The following POM121 variants were observed in gnomAD, a reference collection of about 807,000 sequenced individuals.
POM121 encodes the protein POM121 transmembrane nucleoporin, also known as nuclear envelope pore membrane protein POM 121.
In POM121, 32 loss-of-function variants were observed where a neutral mutation model predicts 81.3. That is an observed-to-expected ratio of 0.39 (90% confidence interval 0.30 to 0.53). The LOEUF (loss-of-function observed/expected upper bound fraction) is 0.53. POM121 is among the 20% of genes least tolerant of loss of function. POM121 has a pLI of 0.66. For missense variants in POM121, 1,138 were observed against 1,614.6 expected, an observed-to-expected ratio of 0.70 and a Z score of 5.06; for synonymous variants, 514 against 694.2, an observed-to-expected ratio of 0.74 and a Z score of 4.08.
downstream of POM121, chr7:72,948,763 C>A (rs782109089): frequency 2.5e-6 from 4 of 1,575,012 alleles, no homozygotes; most frequent in Non-Finnish European, 3.5e-6. Flanking sequence ...CACCCGGGAA[C>A]GTGCTCAGGC....
At chr7:72,901,237 C>G (rs1792612566) in intron 3 of POM121, among the ~76,000 whole-genome samples, 1 of 145,032 alleles carries the variant, frequency 6.9e-6, no homozygotes, top group Admixed American at 7.0e-5. Flanking sequence ...TTTTTTGAGA[C>G]AGGGTCTCAC....
At chr7:72,899,575 AT>A (rs10709124) in intron 3 of POM121, among the ~76,000 whole-genome samples, 11,054 of 121,406 alleles carry the variant, frequency 0.091, 568 homozygotes, top group African/African-American at 0.24. Context: ...TTGATATTAC[AT>A]TTTTTTTTTT....
chr7:72,895,147 T>C (rs1791814506), intron 3 of POM121, among the ~76,000 whole-genome samples: 1 of 152,202 alleles, frequency 6.6e-6, no homozygotes, highest in Non-Finnish European at 1.5e-5. Context: ...TGGACACACT[T>C]GGAGCACTTC....
chr7:72,917,608 G>A (rs1169147750), intron 4 of POM121, among the ~76,000 whole-genome samples: 4 of 152,228 alleles, frequency 2.6e-5, no homozygotes, highest in African/African-American at 9.6e-5. Flanking sequence ...CACAGACCAT[G>A]TGGTTTCAAC....
intron 3 of POM121, among the ~76,000 whole-genome samples, chr7:72,899,196 G>T (rs538267709): frequency 6.6e-6 from 1 of 152,024 alleles, no homozygotes; most frequent in South Asian, 2.1e-4. Flanking sequence ...TGTTGGTCAG[G>T]CTGGTCTCAA....
chr7:72,926,767 A>ATT, intron 2 of POM121, 35 bp from the exon 3 acceptor site: 1 of 1,605,722 alleles, frequency 6.2e-7, no homozygotes, highest in Non-Finnish European at 8.5e-7. Flanking sequence ...GGGAATTAAA[A>ATT]TATCTTACAG....
At chr7:72,897,141 G>T (rs1792045327) in intron 3 of POM121, among the ~76,000 whole-genome samples, 1 of 152,098 alleles carries the variant, frequency 6.6e-6, no homozygotes, top group Non-Finnish European at 1.5e-5. Context: ...AACAGAGCAA[G>T]ACTCTGTCTC....
At chr7:72,901,789 C>T (rs1554492698) in intron 3 of POM121, among the ~76,000 whole-genome samples, 1 of 151,858 alleles carries the variant, frequency 6.6e-6, no homozygotes. Context: ...AGGCATGAGC[C>T]ACCACACCCA....
chr7:72,894,798 A>C (rs1269672750), intron 3 of POM121, among the ~76,000 whole-genome samples: 2 of 152,048 alleles, frequency 1.3e-5, no homozygotes, highest in Non-Finnish European at 2.9e-5. Flanking sequence ...CTGGCACTAC[A>C]GGTGCGCACA....
intron 5 of POM121, among the ~76,000 whole-genome samples, chr7:72,933,386 T>C (rs529623068): frequency 2.0e-5 from 3 of 152,178 alleles, no homozygotes; most frequent in East Asian, 1.9e-4. Flanking sequence ...TTGTCTCTTA[T>C]GAGTAGTTTG....
chr7:72,902,903 A>C (rs1554492903), intron 3 of POM121, among the ~76,000 whole-genome samples: 2 of 151,808 alleles, frequency 1.3e-5, no homozygotes, highest in South Asian at 4.1e-4. Flanking sequence ...GTATCCTTTA[A>C]CTCTTTATTC....
At chr7:72,944,594 G>A (rs1365251406) in intron 11 of POM121, among the ~76,000 whole-genome samples, 1 of 152,116 alleles carries the variant, frequency 6.6e-6, no homozygotes, top group African/African-American at 2.4e-5. Flanking sequence ...TAAGGTCAGC[G>A]GACAGCTGGT....
At position 72,948,261 on chromosome 7, in the gene POM121, GCTTGTGACATTAAGAATA is replaced by G. The variant is rs1554503765; in HGVS notation, c.*2028_*2045del. The G allele has an allele frequency of 6.8e-7, 1 of 1,469,910 alleles. No homozygotes were observed. The highest frequency in any genetic ancestry group is 2.6e-5 in the Admixed American group (1 of 38,578). 91.1% of individuals were successfully genotyped at this position (1,469,910 alleles called of 1,614,324 possible). ...AGTATGAATGTGAGATTTTTCTCCT[GCTTGTGACATTAAGAATA>G]AAAAACTGTGATCTATCGTAGAGTA... On this transcript the variant is annotated 3_prime_UTR_variant, in exon 13 of 13. Coordinates refer to ENST00000434423, the MANE Select transcript of POM121 (RefSeq NM_001387691.1).
intron 5 of POM121, among the ~76,000 whole-genome samples, chr7:72,938,348 C>G (rs1317858092): frequency 1.3e-5 from 2 of 151,774 alleles, no homozygotes; most frequent in East Asian, 1.9e-4. Context: ...ACCACCACAC[C>G]CAACTGATTT....
At position 72,938,716 on chromosome 7, in the gene POM121, C is replaced by T. The variant is rs186097348; in HGVS notation, c.1367+35C>T. ...ATTCTCCTGCAGTTTTCATTTGCTG[C>T]GTGGACAGGCGGGGGTGAGGAAAGG... On this transcript the variant is annotated intron_variant, in intron 6 of 12. Transcript: ENST00000434423. 5.0e-6 allele frequency: 8 copies of T among 1,602,226 alleles called. No homozygotes were observed. The East Asian group carries it at 6.7e-5, about 13-fold the overall frequency.
At chr7:72,879,859 G>A in exon 1 of POM121, 1 of 513,326 alleles carries the variant, frequency 1.9e-6, no homozygotes, top group Non-Finnish European at 3.9e-6. Flanking sequence ...GGGAGCCGTG[G>A]GGCAGAGGCT....
intron 5 of POM121, among the ~76,000 whole-genome samples, chr7:72,938,008 C>G (rs1398647093): frequency 6.6e-6 from 1 of 152,062 alleles, no homozygotes; most frequent in African/African-American, 2.4e-5. Flanking sequence ...TACTTCTATC[C>G]TCTCCGTAGA....
rs570204490 is a variant in POM121, at chr7:72,893,836, T to C, written c.-216+2726T>C. The stretch of plus-strand genomic sequence containing the variant: ...CCCTTGGGTCCCAGGATCCCACTCC[T>C]TCGATGAAACTCAGTCTTCCATCTC... On this transcript the variant is annotated intron_variant, in intron 3 of 15. Coordinates refer to the POM121 transcript ENST00000395270. Among the ~76,000 whole-genome samples the C allele has an allele frequency of 2.3e-4, 35 of 152,258 alleles. No homozygotes were observed. In the South Asian group the frequency reaches 7.3e-3, roughly 32 times the overall value.
At chr7:72,938,776 C>G in intron 6 of POM121, 95 bp downstream of exon 6, 7 of 1,394,352 alleles carry the variant, frequency 5.0e-6, no homozygotes, top group Non-Finnish European at 7.1e-6. Flanking sequence ...CTTTGTGCTG[C>G]TGTGACTTGG....
Sources: gnomAD v4.1 joint callset for allele counts (sites outside exome capture counted in the v4.1 genomes callset) on GRCh38, gnomAD v4.1.1 for gene constraint, MANE v1.5 for transcripts, NCBI Gene and HGNC (gene_info 2026-07-23, HGNC 2026-07-21) for gene names.